PUDP: variants seen among roughly 807,000 people sequenced by gnomAD.
PUDP encodes pseudouridine 5'-phosphatase, also known as pseudouridine-5'-phosphatase.
A neutral mutation model predicts 9.4 loss-of-function variants in PUDP; 8 were observed. That is an observed-to-expected ratio of 0.85 (90% CI 0.50 to 1.53). The LOEUF is 1.53. Among genes scored for constraint, PUDP ranks in the 40% most tolerant of loss-of-function variants. The pLI is 0.00. For missense variants in PUDP, 188 were observed against 189.7 expected (o/e 0.99, Z 0.05); for synonymous variants, 99 against 80.7 (o/e 1.23, Z -1.22).
intron 1 of PUDP, among the ~76,000 whole-genome samples, chrX:7,033,015 G>C (rs926099147): frequency 9.0e-6 from 1 of 111,362 alleles, no homozygotes; most frequent in Admixed American, 9.6e-5. Flanking sequence ...CCTCAATTTG[G>C]GTGTGCACCA....
chrX:6,870,864 G>A (rs922310233), intron 3 of PUDP, among the ~76,000 whole-genome samples: 13 of 111,215 alleles, frequency 1.2e-4, no homozygotes, highest in Non-Finnish European at 2.3e-4. Flanking sequence ...TATAGAGACC[G>A]AATCTTTCTG....
intron 2 of PUDP, among the ~76,000 whole-genome samples, chrX:7,088,379 T>C (rs1274582993): frequency 9.0e-6 from 1 of 111,388 alleles, no homozygotes; most frequent in Non-Finnish European, 1.9e-5. Context: ...CTGAATGGTC[T>C]CTCTCATTCC....
intron 1 of PUDP, among the ~76,000 whole-genome samples, chrX:7,114,580 A>T (rs769741460): frequency 7.2e-5 from 8 of 111,646 alleles, no homozygotes; most frequent in Non-Finnish European, 1.3e-4. Context: ...CAGAGAGAAC[A>T]AACGTTCAAA....
chrX:6,834,543 C>A (rs1338888800), intron 3 of PUDP, among the ~76,000 whole-genome samples: 2 of 111,506 alleles, frequency 1.8e-5, no homozygotes, highest in Non-Finnish European at 3.8e-5. Context: ...CCTGAATTCC[C>A]AGATCTGTGA....
chrX:7,037,742 T>C (rs1175218547), intron 1 of PUDP, among the ~76,000 whole-genome samples: 2 of 111,926 alleles, frequency 1.8e-5, no homozygotes, highest in Admixed American at 1.9e-4. Context: ...AATATACTTA[T>C]ACTACCATTT....
chrX:7,044,851 G>C (rs5978210), downstream of PUDP, among the ~76,000 whole-genome samples: 1 of 111,540 alleles, frequency 9.0e-6, no homozygotes, highest in African/African-American at 3.3e-5. Flanking sequence ...CAACTATCTC[G>C]TCTGTGCCTT....
intron 3 of PUDP, among the ~76,000 whole-genome samples, chrX:6,795,705 A>G (rs1925833138): frequency 8.9e-6 from 1 of 111,864 alleles, no homozygotes; most frequent in South Asian, 3.8e-4. Flanking sequence ...ATGCTTGAAA[A>G]GGATGTGCAC....
intron 3 of PUDP, among the ~76,000 whole-genome samples, chrX:6,971,136 G>A (rs747083410): frequency 6.3e-5 from 7 of 111,659 alleles, no homozygotes; most frequent in Non-Finnish European, 5.7e-5. Flanking sequence ...TAAAGGTCCC[G>A]CTATGGACAA....
At chrX:7,079,272 A>G (rs1217597769) in intron 2 of PUDP, among the ~76,000 whole-genome samples, 2 of 112,856 alleles carry the variant, frequency 1.8e-5, no homozygotes, top group African/African-American at 3.2e-5. Flanking sequence ...CAGTTCATCA[A>G]TAAGACATAA....
intron 3 of PUDP, among the ~76,000 whole-genome samples, chrX:6,738,931 G>A (rs919433094): frequency 1.8e-5 from 2 of 111,566 alleles, no homozygotes; most frequent in South Asian, 3.8e-4. Context: ...TTGACAAATT[G>A]AAGGTCGCAT....
intron 3 of PUDP, among the ~76,000 whole-genome samples, chrX:6,813,446 A>G (rs1450028956): frequency 1.8e-5 from 2 of 111,714 alleles, no homozygotes; most frequent in Admixed American, 9.5e-5. Context: ...TCTTTCAAAC[A>G]TCTTCTTTGG....
chrX:6,920,751 C>A (rs1928009275), intron 3 of PUDP, among the ~76,000 whole-genome samples: 1 of 111,577 alleles, frequency 9.0e-6, no homozygotes, highest in Non-Finnish European at 1.9e-5. Context: ...TGTATAAAAC[C>A]AAACTGTGCC....
intron 1 of PUDP, among the ~76,000 whole-genome samples, chrX:7,024,754 C>CTTTTTTTTTTTTTTTTTTTTTTTT (rs55692944): frequency 3.7e-5 from 2 of 54,441 alleles, no homozygotes; most frequent in East Asian, 1.4e-3. Context: ...GCCCGGCTAA[C>CTTTTTTTTTTTTTTTTTTTTTTTT]TTTTTTTTTT....
intron 3 of PUDP, among the ~76,000 whole-genome samples, chrX:6,752,801 A>G (rs1925118000): frequency 8.9e-6 from 1 of 111,755 alleles, no homozygotes; most frequent in Admixed American, 9.5e-5. Context: ...TTATTAAGCA[A>G]TCAAGGTTGC....
chrX:6,733,297 G>T (rs916499155), intron 3 of PUDP, among the ~76,000 whole-genome samples: 1 of 111,679 alleles, frequency 9.0e-6, no homozygotes, highest in African/African-American at 3.3e-5. Context: ...GCTTCGTCCC[G>T]GTGAAGACCA....
intron 1 of PUDP, among the ~76,000 whole-genome samples, chrX:7,012,387 C>T (rs747843340): frequency 5.4e-5 from 6 of 112,135 alleles, no homozygotes; most frequent in Non-Finnish European, 1.1e-4. Context: ...ATCTTTAGCC[C>T]CTGGACACAT....
chrX:6,720,543 G>A (rs1174073589), intron 1 of PUDP, among the ~76,000 whole-genome samples: 1 of 105,873 alleles, frequency 9.4e-6, no homozygotes, highest in African/African-American at 3.4e-5. Flanking sequence ...AGGGTACAAA[G>A]TTTCAGTTAT....
At chrX:6,997,090 A>G (rs947517304) in intron 1 of PUDP, among the ~76,000 whole-genome samples, 11 of 112,265 alleles carry the variant, frequency 9.8e-5, no homozygotes, top group African/African-American at 3.6e-4. Flanking sequence ...AAATCCCACA[A>G]TGGGATAAGT....
chrX:6,818,417 T>G (rs1297604271), intron 3 of PUDP, among the ~76,000 whole-genome samples: 4 of 112,488 alleles, frequency 3.6e-5, no homozygotes, highest in Non-Finnish European at 7.5e-5. Flanking sequence ...CAGCCATAGC[T>G]TCCCAACTTA....
Sources: gnomAD v4.1 joint callset for allele counts (sites outside exome capture counted in the v4.1 genomes callset) on GRCh38, gnomAD v4.1.1 for gene constraint, MANE v1.5 for transcripts, NCBI Gene and HGNC (gene_info 2026-07-23, HGNC 2026-07-21) for gene names.